The following ATRNL1 variants were observed in gnomAD, a reference collection of about 807,000 sequenced individuals.
ATRNL1 encodes attractin-like protein 1.
Under a neutral mutation model 182.7 loss-of-function variants are expected in ATRNL1, and 95 were observed. The ratio of observed to expected loss-of-function variants is 0.52; its 90% confidence interval spans 0.44 to 0.62. ATRNL1 has a LOEUF of 0.62. Among genes scored for constraint, ATRNL1 ranks in the 20% least tolerant of loss-of-function variants. The pLI, the probability that ATRNL1 is intolerant of heterozygous loss-of-function variation, is 0.00. For missense variants in ATRNL1, 1,471 were observed against 1,679.5 expected (o/e 0.88, Z 2.17); for synonymous variants, 576 against 568.3 (o/e 1.01, Z -0.19).
chr10:115,745,659 T>C (rs1555068958), intron 27 of ATRNL1, among the ~76,000 whole-genome samples: 2 of 152,186 alleles, frequency 1.3e-5, no homozygotes, highest in Admixed American at 6.6e-5. Flanking sequence ...TTTGTTATTC[T>C]AATGACTGTG....
At chr10:115,743,074 A>C (rs898935714) in intron 27 of ATRNL1, among the ~76,000 whole-genome samples, 3 of 151,834 alleles carry the variant, frequency 2.0e-5, no homozygotes, top group Non-Finnish European at 2.9e-5. Flanking sequence ...ATGAGAACTC[A>C]CTCACTATCA....
chr10:115,475,914 A>G (rs78577901), intron 24 of ATRNL1, among the ~76,000 whole-genome samples: 4,794 of 151,436 alleles, frequency 0.032, 245 homozygotes, highest in African/African-American at 0.11. Context: ...TACTTCTACT[A>G]CAAGTCATAC....
intron 27 of ATRNL1, among the ~76,000 whole-genome samples, chr10:115,845,373 AT>A (rs1950903759): frequency 2.6e-5 from 4 of 152,122 alleles, no homozygotes; most frequent in Admixed American, 2.6e-4. Context: ...TGCAGGCATA[AT>A]TTCCTTTCCA....
At chr10:115,192,698 A>G (rs1554890110) in intron 8 of ATRNL1, among the ~76,000 whole-genome samples, 1 of 151,936 alleles carries the variant, frequency 6.6e-6, no homozygotes, top group Non-Finnish European at 1.5e-5. Context: ...CATTTTAACA[A>G]TATTTTTCCA....
Position 115,366,694 on chromosome 10 carries a change from G to T in ATRNL1, c.3176-27965G>T, listed in dbSNP as rs1857062406. On this transcript the variant is annotated intron_variant, in intron 19 of 28. Transcript: ENST00000355044. ...TCCATGTTTAGTGCTTCCTTCAGGA[G>T]CTCTTTTAGGGCAGGCCTGGTGGTG... 2.0e-5 allele frequency among the ~76,000 whole-genome samples: 3 copies of T among 151,856 alleles called. No individual in the cohort carries two copies. The South Asian group carries it at 6.3e-4, about 32-fold the overall frequency.
At chr10:115,650,693 T>C (rs1285439418) in intron 26 of ATRNL1, among the ~76,000 whole-genome samples, 1 of 152,120 alleles carries the variant, frequency 6.6e-6, no homozygotes, top group Non-Finnish European at 1.5e-5. Context: ...CACTTTGCTT[T>C]CTTTTGCCCA....
intron 24 of ATRNL1, among the ~76,000 whole-genome samples, chr10:115,502,847 C>T (rs1028911185): frequency 3.3e-5 from 5 of 151,998 alleles, no homozygotes; most frequent in Admixed American, 2.6e-4. Context: ...ACCTATGTAA[C>T]AAAACTGCAT....
intron 24 of ATRNL1, among the ~76,000 whole-genome samples, chr10:115,512,377 TGA>T: frequency 6.6e-6 from 1 of 151,872 alleles, no homozygotes; most frequent in East Asian, 1.9e-4. Flanking sequence ...GCCACCTAAT[TGA>T]GACACAATAA....
intron 5 of ATRNL1, among the ~76,000 whole-genome samples, chr10:115,138,723 G>A (rs1393687999): frequency 6.6e-6 from 1 of 152,174 alleles, no homozygotes; most frequent in African/African-American, 2.4e-5. Flanking sequence ...GATGGGAGGC[G>A]ATGCTGTGAA....
chr10:115,589,331 A>G (rs1385890306), intron 26 of ATRNL1, among the ~76,000 whole-genome samples: 1 of 152,180 alleles, frequency 6.6e-6, no homozygotes, highest in Non-Finnish European at 1.5e-5. Context: ...TTTGATCAAT[A>G]ATCTTGGTCA....
chr10:115,700,971 T>C (rs1946716833), intron 26 of ATRNL1, among the ~76,000 whole-genome samples: 1 of 151,978 alleles, frequency 6.6e-6, no homozygotes, highest in Admixed American at 6.6e-5. Context: ...AAGATATCTA[T>C]AGAAAACTAC....
intron 9 of ATRNL1, among the ~76,000 whole-genome samples, chr10:115,226,459 G>A (rs1849701029): frequency 6.6e-6 from 1 of 151,874 alleles, no homozygotes; most frequent in Admixed American, 6.6e-5. Context: ...CCATGCTCAT[G>A]GATCAGAAGA....
intron 24 of ATRNL1, among the ~76,000 whole-genome samples, chr10:115,498,287 T>C (rs1554979013): frequency 3.3e-5 from 5 of 152,174 alleles, no homozygotes; most frequent in African/African-American, 1.2e-4. Context: ...TTTTTAAAGT[T>C]ACAAATAAAT....
chr10:115,113,119 TGG>T (rs1554868676), intron 1 of ATRNL1, among the ~76,000 whole-genome samples: 1 of 152,192 alleles, frequency 6.6e-6, no homozygotes, highest in East Asian at 1.9e-4. Flanking sequence ...AAAAGTGGAC[TGG>T]TCAAGAGCGA....
chr10:115,590,900 G>A (rs1030077914), intron 26 of ATRNL1, among the ~76,000 whole-genome samples: 7 of 152,102 alleles, frequency 4.6e-5, no homozygotes, highest in Non-Finnish European at 8.8e-5. Context: ...CTTTGCTGAG[G>A]TTTTCTGGGA....
chr10:115,872,477 C>G (rs1473703553), intron 28 of ATRNL1, among the ~76,000 whole-genome samples: 3 of 152,040 alleles, frequency 2.0e-5, no homozygotes, highest in African/African-American at 7.2e-5. Flanking sequence ...AAATTAATAT[C>G]AAGTCAAAAT....
At chr10:115,201,898 T>C (rs1848596086) in intron 8 of ATRNL1, among the ~76,000 whole-genome samples, 1 of 152,174 alleles carries the variant, frequency 6.6e-6, no homozygotes, top group Non-Finnish European at 1.5e-5. Flanking sequence ...GTATCCTCTT[T>C]TATTTCATTG....
chr10:115,471,509 A>T (rs1554972123), intron 24 of ATRNL1, among the ~76,000 whole-genome samples: 1 of 150,960 alleles, frequency 6.6e-6, no homozygotes, highest in African/African-American at 2.4e-5. Context: ...AACACTTGTT[A>T]TCTTTTGTAT....
chr10:115,682,345 C>T (rs1946073700), intron 26 of ATRNL1, among the ~76,000 whole-genome samples: 1 of 152,092 alleles, frequency 6.6e-6, no homozygotes, highest in East Asian at 1.9e-4. Context: ...TCGAAACCAG[C>T]CTGGCCAACA....
Sources: gnomAD v4.1 joint callset for allele counts (sites outside exome capture counted in the v4.1 genomes callset) on GRCh38, gnomAD v4.1.1 for gene constraint, MANE v1.5 for transcripts, NCBI Gene and HGNC (gene_info 2026-07-23, HGNC 2026-07-21) for gene names.